GALNT18: variants seen among roughly 807,000 people sequenced by gnomAD.
GALNT18 encodes GalNAc-transferase 18.
GALNT18 carries 44 observed loss-of-function variants against 69.5 expected under a neutral mutation model. The ratio of observed to expected loss-of-function variants is 0.63; its 90% CI spans 0.50 to 0.81. The LOEUF (loss-of-function observed/expected upper bound fraction) is 0.81. Ranked by LOEUF, GALNT18 falls within the 40% of genes least tolerant of loss-of-function variation. GALNT18 has a pLI of 0.00. For synonymous variants in GALNT18, 364 were observed against 318.2 expected, an observed-to-expected ratio of 1.14 and a Z score of -1.53; for missense variants, 715 against 810.0, an observed-to-expected ratio of 0.88 and a Z score of 1.42.
Position 11,600,657 on chromosome 11 carries a change from T to C in GALNT18, c.235+20702A>G, listed in dbSNP as rs1323176506. Among the ~76,000 whole-genome samples, 2 of 152,146 alleles carry C rather than the reference T, an allele frequency of 1.3e-5. No individual in the cohort carries two copies. The highest frequency in any genetic ancestry group is 4.8e-5 in the African/African-American group (2 of 41,462). On this transcript the variant is annotated intron_variant, in intron 1 of 10. Coordinates refer to ENST00000227756, the MANE Select transcript of GALNT18 (RefSeq NM_198516.3). This position sits in a 1 kb window ranked among gnomAD's most constrained non-coding sequence, Gnocchi z 4.8. ...TATCCTATATGAACCTTGTTGAGCT[T>C]CTTGGATATAAAGATTAATATTCTT...
intron 1 of GALNT18, among the ~76,000 whole-genome samples, chr11:11,510,045 C>G (rs1279394278): frequency 1.3e-5 from 2 of 152,206 alleles, no homozygotes; most frequent in Non-Finnish European, 2.9e-5. Flanking sequence ...AGACACTTCA[C>G]TATGGCCCAG....
At position 11,327,092 on chromosome 11, in the gene GALNT18, C is replaced by G; in HGVS notation, c.1506G>C (p.Thr502=). Reference sequence around the variant, plus strand: ...AATCTCTTAGAGGACTCACCTGAGGCGTCATCCCATGGCAGATGTACATGA... The same window carrying G: ...AATCTCTTAGAGGACTCACCTGAGGGGTCATCCCATGGCAGATGTACATGA... ...VPIMYICHGM[T]PQNVYYTSSQ... Residue 502 remains threonine, a synonymous_variant, in exon 9 of 11, where the codon ACG becomes ACC. Transcript: ENST00000227756. The G allele has an allele frequency of 1.2e-6, 2 of 1,610,952 alleles. No individual in the cohort carries two copies. The highest frequency in any genetic ancestry group is 4.5e-5 in the East Asian group (2 of 44,868).
At position 11,491,917 on chromosome 11, in the gene GALNT18, AG is replaced by A. The variant is rs558760721; in HGVS notation, c.236-42982del. On this transcript the variant is annotated intron_variant, in intron 1 of 10. Coordinates refer to ENST00000227756, the MANE Select transcript of GALNT18 (RefSeq NM_198516.3). ...GGAACAAAGAAAGCCTACCCATTAC[AG>A]GAGATTCAGATGGACAAAATCAGTA... Among the ~76,000 whole-genome samples, 3 of 152,346 alleles carry A rather than the reference AG, an allele frequency of 2.0e-5. No individual in the cohort carries two copies. In the South Asian group the frequency reaches 6.2e-4, roughly 32 times the overall value.
At position 11,356,071 on chromosome 11, in the gene GALNT18, C is replaced by T. The variant is rs1198108420; in HGVS notation, c.1093-15067G>A. ...GGTAATTTCTGGATACCAGCACCTA[C>T]AGCACTAGAAAAAAATGTGCTCACA... On this transcript the variant is annotated intron_variant, in intron 6 of 10. Coordinates refer to ENST00000227756, the MANE Select transcript of GALNT18 (RefSeq NM_198516.3). The surrounding 1 kb of genome is among the most constrained non-coding windows in gnomAD (Gnocchi z 4.4). Among the ~76,000 whole-genome samples the T allele has an allele frequency of 6.6e-6, 1 of 152,220 alleles. No homozygotes were observed. Among genetic ancestry groups the T allele is most frequent in the Non-Finnish European group, 1.5e-5 (1 of 68,036 alleles).
At position 11,309,887 on chromosome 11, in the gene GALNT18, C is replaced by T. The variant is rs1217012723; in HGVS notation, c.1513-16694G>A. 1.3e-5 allele frequency among the ~76,000 whole-genome samples: 2 copies of T among 152,168 alleles called. No individual in the cohort carries two copies. The highest frequency in any genetic ancestry group is 2.4e-5 in the African/African-American group (1 of 41,432). ...CCAGGACCATCCCACCTCTCCTCACCCTGTCCCCACCCCCAGGGATATTGC... is the reference window on the plus strand; with the variant it reads ...CCAGGACCATCCCACCTCTCCTCACTCTGTCCCCACCCCCAGGGATATTGC... On this transcript the variant is annotated intron_variant, in intron 9 of 10. Coordinates refer to ENST00000227756, the MANE Select transcript of GALNT18 (RefSeq NM_198516.3). The surrounding 1 kb of genome is among the most constrained non-coding windows in gnomAD (Gnocchi z 4.6).
intron 1 of GALNT18, among the ~76,000 whole-genome samples, chr11:11,556,400 TC>T (rs1226396215): frequency 6.6e-6 from 1 of 152,212 alleles, no homozygotes; most frequent in Non-Finnish European, 1.5e-5. Flanking sequence ...CTGGGGTAAG[TC>T]GCCAACATGG....
intron 1 of GALNT18, among the ~76,000 whole-genome samples, chr11:11,609,583 T>A (rs930796101): frequency 6.6e-6 from 1 of 152,186 alleles, no homozygotes; most frequent in Non-Finnish European, 1.5e-5. Flanking sequence ...TCTGAGCACA[T>A]ACCAAAAGAA....
chr11:11,418,006 G>A (rs551836096), intron 3 of GALNT18, among the ~76,000 whole-genome samples: 1 of 152,256 alleles, frequency 6.6e-6, no homozygotes, highest in Non-Finnish European at 1.5e-5. Flanking sequence ...CAGCCTGAAG[G>A]CGGGGTGTAT....
At chr11:11,288,216 C>G (rs1463106038) in intron 10 of GALNT18, among the ~76,000 whole-genome samples, 1 of 152,188 alleles carries the variant, frequency 6.6e-6, no homozygotes, top group Non-Finnish European at 1.5e-5. Flanking sequence ...ATTATCTGCT[C>G]TACATGACTC....
intron 10 of GALNT18, among the ~76,000 whole-genome samples, chr11:11,289,495 T>TTCAAGCCATGCCCTGGGATAAGGGA (rs1305519471): frequency 6.6e-6 from 1 of 151,982 alleles, no homozygotes; most frequent in East Asian, 1.9e-4. Context: ...GGGCTGCCTT[T>TTCAAGCCATGCCCTGGGATAAGGGA]TCAAGCCATG....
intron 3 of GALNT18, among the ~76,000 whole-genome samples, chr11:11,398,612 C>A (rs1036627779): frequency 2.6e-5 from 4 of 152,214 alleles, no homozygotes; most frequent in African/African-American, 9.6e-5. Context: ...ATACACAGTG[C>A]CTGACTGATC....
rs537802188 is a variant in GALNT18, at chr11:11,370,343, G to T, written c.1092+2172C>A. ...ATAGAGGAAACTGAACCATTGAAAA[G>T]TTAACTCATCAAACACGAAAGAAAG... On this transcript the variant is annotated intron_variant, in intron 6 of 10. Transcript: ENST00000227756. 1.5e-4 allele frequency among the ~76,000 whole-genome samples: 23 copies of T among 152,256 alleles called. No homozygotes were observed. The South Asian group carries it at 4.4e-3, about 29-fold the overall frequency.
At chr11:11,366,618 A>T (rs1042904462) in intron 6 of GALNT18, among the ~76,000 whole-genome samples, 1 of 152,222 alleles carries the variant, frequency 6.6e-6, no homozygotes, top group Non-Finnish European at 1.5e-5. Flanking sequence ...TGAGCAATAA[A>T]TAGGATAATT....
At chr11:11,308,397 A>G (rs1204685034) in intron 9 of GALNT18, among the ~76,000 whole-genome samples, 1 of 151,976 alleles carries the variant, frequency 6.6e-6, no homozygotes, top group South Asian at 2.1e-4. Flanking sequence ...TCCTCACTCC[A>G]CCCCTGATAT....
At chr11:11,352,756 TGAA>T in intron 6 of GALNT18, 1 of 1,614,188 alleles carries the variant, frequency 6.2e-7, no homozygotes, top group Non-Finnish European at 8.5e-7. Flanking sequence ...TACAATTGCT[TGAA>T]GTCTGTGTTG....
chr11:11,384,394 T>A (rs1164767310), intron 3 of GALNT18, among the ~76,000 whole-genome samples: 1 of 152,140 alleles, frequency 6.6e-6, no homozygotes, highest in Non-Finnish European at 1.5e-5. Context: ...TGGTGTCTGG[T>A]GAGGGCCTTC....
At chr11:11,375,318 A>T (rs147597250) in intron 5 of GALNT18, among the ~76,000 whole-genome samples, 89 of 152,368 alleles carry the variant, frequency 5.8e-4, no homozygotes, top group African/African-American at 2.1e-3. Flanking sequence ...TTTTGATAAA[A>T]ATTGGGTGAT....
chr11:11,453,907 T>A (rs187586078), intron 1 of GALNT18, among the ~76,000 whole-genome samples: 1 of 152,314 alleles, frequency 6.6e-6, no homozygotes, highest in Admixed American at 6.5e-5. Flanking sequence ...ACTAATATAG[T>A]CTCCATTCAT....
chr11:11,481,778 C>T (rs1230984706), intron 1 of GALNT18, among the ~76,000 whole-genome samples: 1 of 152,142 alleles, frequency 6.6e-6, no homozygotes, highest in Non-Finnish European at 1.5e-5. Context: ...ACCTGCTGCA[C>T]CTCTGAGGAT....
Sources: allele counts gnomAD v4.1 joint callset (sites outside exome capture counted in the v4.1 genomes callset), GRCh38; gene constraint gnomAD v4.1.1; non-coding constraint Gnocchi (gnomAD v3.1); transcripts MANE v1.5; gene names NCBI Gene and HGNC (gene_info 2026-07-23, HGNC 2026-07-21).